The following HSD17B12 variants were observed in gnomAD, a reference collection of about 807,000 sequenced individuals.
HSD17B12 encodes very-long-chain 3-oxoacyl-CoA reductase.
In HSD17B12, 32 loss-of-function variants were observed where a neutral mutation model predicts 39.3. The ratio of observed to expected loss-of-function variants is 0.81; its 90% CI spans 0.61 to 1.09. The LOEUF is 1.09. Among genes scored for constraint, HSD17B12 ranks in the 50% least tolerant of loss-of-function variants. HSD17B12 has a pLI of 0.00. For missense variants in HSD17B12, 342 were observed against 382.9 expected, an observed-to-expected ratio of 0.89 and a Z score of 0.89; for synonymous variants, 150 against 146.7, an observed-to-expected ratio of 1.02 and a Z score of -0.16.
intron 1 of HSD17B12, among the ~76,000 whole-genome samples, chr11:43,715,820 T>C (rs1011594408): frequency 6.6e-6 from 1 of 152,200 alleles, no homozygotes; most frequent in Non-Finnish European, 1.5e-5. Flanking sequence ...TTTTGTTTCA[T>C]TTTAATTAAA....
At chr11:43,776,739 G>T (rs1404584825) in intron 3 of HSD17B12, among the ~76,000 whole-genome samples, 1 of 152,160 alleles carries the variant, frequency 6.6e-6, no homozygotes, top group East Asian at 1.9e-4. Flanking sequence ...ACGGTTTTAG[G>T]TCTAACGTTT....
At chr11:43,676,090 C>T (rs1565043334), upstream of HSD17B12, among the ~76,000 whole-genome samples, 1 of 151,308 alleles carries the variant, frequency 6.6e-6, no homozygotes, top group African/African-American at 2.4e-5. Flanking sequence ...CCAGACTGGG[C>T]GGTAAGAGCG....
rs755650866 is a variant in HSD17B12, at chr11:43,680,799, A to G, written c.-29A>G. 2 of 1,591,074 alleles carry G rather than the reference A, an allele frequency of 1.3e-6. No homozygotes were observed. Among genetic ancestry groups the G allele is most frequent in the Admixed American group, 3.3e-5 (2 of 59,950 alleles). On this transcript the variant is annotated 5_prime_UTR_variant, in exon 1 of 11. Transcript: ENST00000278353. ...ATTCATTCACTCGCTCTTTTCATTC[A>G]CGAAGGTAGTGAGGCCTAGTGGAAA...
At chr11:43,853,590 C>T (rs907948644) in intron 9 of HSD17B12, 1 of 152,212 alleles carries the variant, frequency 6.6e-6, no homozygotes. Flanking sequence ...AAGTTTGAGA[C>T]CAGCCTGGGC....
At chr11:43,733,830 C>T in intron 1 of HSD17B12, 1 of 692,972 alleles carries the variant, frequency 1.4e-6, no homozygotes, top group Non-Finnish European at 2.6e-6. Flanking sequence ...GTGTGGTAAA[C>T]TCTGCCTTAT....
At chr11:43,838,280 G>A in intron 7 of HSD17B12, 37 bp from the exon 8 acceptor site, 1 of 1,353,898 alleles carries the variant, frequency 7.4e-7, no homozygotes, top group Non-Finnish European at 1.1e-6. Context: ...GCATACTGTG[G>A]CTTCACTCCT....
intron 1 of HSD17B12, among the ~76,000 whole-genome samples, chr11:43,749,025 A>G (rs977042981): frequency 1.3e-5 from 2 of 152,222 alleles, no homozygotes; most frequent in Admixed American, 6.5e-5. Context: ...GGCTGCTAAT[A>G]TAACAAAACA....
chr11:43,673,095 G>A, the HSD17B12 span: 1 of 152,150 alleles, frequency 6.6e-6, no homozygotes, highest in African/African-American at 2.4e-5. Context: ...TTATTTTACA[G>A]CCAAGTGAAG....
the HSD17B12 span, among the ~76,000 whole-genome samples, chr11:43,652,502 C>G: frequency 6.6e-6 from 1 of 152,094 alleles, no homozygotes; most frequent in South Asian, 2.1e-4. Context: ...ATTGAGGGCT[C>G]AGTCCCACAA....
chr11:43,766,613 A>G (rs1025545689), intron 3 of HSD17B12, among the ~76,000 whole-genome samples: 1 of 152,194 alleles, frequency 6.6e-6, no homozygotes, highest in African/African-American at 2.4e-5. Context: ...TTTGGTCTAC[A>G]TCACACTTTT....
chr11:43,636,309 G>T, the HSD17B12 span, among the ~76,000 whole-genome samples: 2 of 152,148 alleles, frequency 1.3e-5, no homozygotes, highest in African/African-American at 4.8e-5. Flanking sequence ...TTCCAAAACT[G>T]CTGCTGCTGT....
chr11:43,686,753 C>A (rs1454030391), intron 1 of HSD17B12, among the ~76,000 whole-genome samples: 2 of 152,132 alleles, frequency 1.3e-5, no homozygotes, highest in African/African-American at 4.8e-5. Flanking sequence ...AATACTTATT[C>A]TCTGTAAAAC....
At chr11:43,783,916 A>T (rs1950791215) in intron 3 of HSD17B12, among the ~76,000 whole-genome samples, 1 of 152,234 alleles carries the variant, frequency 6.6e-6, no homozygotes, top group Non-Finnish European at 1.5e-5. Flanking sequence ...ATAACTATAT[A>T]TTCTGAAACA....
chr11:43,582,006 G>A, the HSD17B12 span, among the ~76,000 whole-genome samples: 1 of 152,302 alleles, frequency 6.6e-6, no homozygotes, highest in African/African-American at 2.4e-5. Context: ...GGGGGACCCG[G>A]AGGTGAGGCG....
chr11:43,598,194 C>T, the HSD17B12 span, among the ~76,000 whole-genome samples: 1 of 152,130 alleles, frequency 6.6e-6, no homozygotes. Flanking sequence ...TTTTATGTGT[C>T]TGGTTTCCTG....
intron 1 of HSD17B12, among the ~76,000 whole-genome samples, chr11:43,688,810 C>A (rs1949826491): frequency 6.6e-6 from 1 of 152,158 alleles, no homozygotes; most frequent in African/African-American, 2.4e-5. Flanking sequence ...CTGAGCATAA[C>A]TTCTTTCATT....
chr11:43,572,367 C>T, the HSD17B12 span, among the ~76,000 whole-genome samples: 3 of 152,106 alleles, frequency 2.0e-5, no homozygotes, highest in South Asian at 2.1e-4. Flanking sequence ...AGATCAGTCT[C>T]GTTATTCAGA....
chr11:43,571,263 A>G, the HSD17B12 span, among the ~76,000 whole-genome samples: 1 of 152,208 alleles, frequency 6.6e-6, no homozygotes, highest in Admixed American at 6.5e-5. Flanking sequence ...TTATGCAGGT[A>G]TCTCTAAACA....
intron 3 of HSD17B12, among the ~76,000 whole-genome samples, chr11:43,798,093 C>T (rs1428415950): frequency 6.6e-6 from 1 of 152,142 alleles, no homozygotes; most frequent in Non-Finnish European, 1.5e-5. Context: ...GAACATTCAG[C>T]CAGCTCTCTG....
Sources: gnomAD v4.1 joint callset for allele counts (sites outside exome capture counted in the v4.1 genomes callset) on GRCh38, gnomAD v4.1.1 for gene constraint, MANE v1.5 for transcripts, NCBI Gene and HGNC (gene_info 2026-07-23, HGNC 2026-07-21) for gene names.